The following GAS7 variants were observed in gnomAD, a reference collection of about 807,000 sequenced individuals.
The protein encoded by GAS7 is growth arrest specific 7.
In GAS7, 28 loss-of-function variants were observed where a neutral mutation model predicts 71.1. The observed-to-expected ratio is 0.39, with a 90% CI of 0.29 to 0.54. The LOEUF (loss-of-function observed/expected upper bound fraction) is 0.54, where lower values mean the gene tolerates loss of function less well. Among genes scored for constraint, GAS7 ranks in the 20% least tolerant of loss-of-function variants. The pLI, the probability that GAS7 is intolerant of heterozygous loss-of-function variation, is 0.62. For missense variants in GAS7, 436 were observed against 627.8 expected (o/e 0.69, Z 3.27); for synonymous variants, 258 against 245.8 (o/e 1.05, Z -0.46).
intron 1 of GAS7, among the ~76,000 whole-genome samples, chr17:10,146,479 C>T (rs1008437930): frequency 6.6e-6 from 1 of 152,138 alleles, no homozygotes; most frequent in Non-Finnish European, 1.5e-5. Context: ...GGACCACAGA[C>T]CAGCAGCACC....
intron 2 of GAS7, among the ~76,000 whole-genome samples, chr17:10,016,602 C>CAAAAAAAAAAA (rs1158379710): frequency 5.9e-5 from 5 of 84,736 alleles, no homozygotes; most frequent in South Asian, 4.5e-4. Context: ...CTGTCTCTAC[C>CAAAAAAAAAAA]AAAAAAAAAA....
rs371898752 is a variant in GAS7 at position 10,051,844 on chromosome 17, G to A, written c.184-31947C>T. Among the ~76,000 whole-genome samples, 24 of 152,172 alleles carry A rather than the reference G, an allele frequency of 1.6e-4. No homozygotes were observed. In the East Asian group the frequency reaches 4.4e-3, roughly 28 times the overall value. On this transcript the variant is annotated intron_variant, in intron 1 of 13. Transcript: ENST00000432992. ...AGGCTGGATAACAGGCAGGAAAAAC[G>A]GGTTAAGTTTCCCTTTTTCCCCAGC...
chr17:10,083,895 A>G (rs143876605), intron 1 of GAS7, among the ~76,000 whole-genome samples: 103 of 152,350 alleles, frequency 6.8e-4, no homozygotes, highest in African/African-American at 2.4e-3. Flanking sequence ...GTAGGGATCA[A>G]TCAGAGGAAA....
intron 2 of GAS7, among the ~76,000 whole-genome samples, chr17:10,018,731 C>T (rs576145199): frequency 2.6e-5 from 4 of 152,296 alleles, no homozygotes; most frequent in South Asian, 2.1e-4. Flanking sequence ...CACTAGGACC[C>T]CCTCCTGGTG....
Position 9,915,499 on chromosome 17 carries a change from G to A in GAS7, c.*1729C>T, listed in dbSNP as rs888499810. 4.4e-6 allele frequency: 1 copy of A among 228,908 alleles called. No individual in the cohort carries two copies. Among genetic ancestry groups the A allele is most frequent in the African/African-American group, 2.2e-5 (1 of 45,080 alleles). 14.2% of individuals were successfully genotyped at this position (228,908 alleles called of 1,614,324 possible). On this transcript the variant is annotated 3_prime_UTR_variant, in exon 14 of 14. Coordinates refer to ENST00000432992, the MANE Select transcript of GAS7 (RefSeq NM_201433.2). ...TCACGTAGGTGAAGGCCTTTGTGCTGACCTTTTTGGTTGCAATGTTTCAAG... is the reference window on the plus strand; with the variant it reads ...TCACGTAGGTGAAGGCCTTTGTGCTAACCTTTTTGGTTGCAATGTTTCAAG...
intron 2 of GAS7, among the ~76,000 whole-genome samples, chr17:9,991,124 C>T (rs1008551461): frequency 6.6e-6 from 1 of 152,158 alleles, no homozygotes; most frequent in Non-Finnish European, 1.5e-5. Flanking sequence ...AAACAAAAAA[C>T]TAAAACCACC....
chr17:10,133,122 A>ATATATATATATATATATT (rs1392845338), intron 1 of GAS7, among the ~76,000 whole-genome samples: 13 of 118,886 alleles, frequency 1.1e-4, no homozygotes, highest in African/African-American at 3.9e-4. Context: ...ATATTTTTAT[A>ATATATATATATATATATT]TTTTTTTTTT....
chr17:9,932,192 CG>C (rs1435696285), intron 9 of GAS7, among the ~76,000 whole-genome samples: 96 of 137,760 alleles, frequency 7.0e-4, no homozygotes, highest in African/African-American at 2.5e-3. Context: ...AGGTCCCCCC[CG>C]CTTTTTTTTT....
At chr17:10,052,769 G>T (rs2073079969) in intron 1 of GAS7, among the ~76,000 whole-genome samples, 1 of 152,152 alleles carries the variant, frequency 6.6e-6, no homozygotes, top group Non-Finnish European at 1.5e-5. Context: ...GCTCTGTCTA[G>T]TGGGCCAGGC....
chr17:9,942,382 A>G (rs2068634811), intron 7 of GAS7, among the ~76,000 whole-genome samples: 1 of 151,748 alleles, frequency 6.6e-6, no homozygotes, highest in Non-Finnish European at 1.5e-5. Flanking sequence ...AGCTGTGGGT[A>G]TGTGAGTGTG....
intron 2 of GAS7, among the ~76,000 whole-genome samples, chr17:10,010,308 G>A (rs985753028): frequency 3.9e-5 from 6 of 151,914 alleles, no homozygotes; most frequent in African/African-American, 9.7e-5. Flanking sequence ...CCGCCACCAC[G>A]CCGGGCTAAA....
intron 4 of GAS7, among the ~76,000 whole-genome samples, chr17:9,965,311 A>G (rs1361028960): frequency 2.6e-5 from 4 of 152,230 alleles, no homozygotes; most frequent in African/African-American, 9.6e-5. Flanking sequence ...TGTGGCATAT[A>G]TACATAATGG....
chr17:10,160,117 G>T (rs946731218), intron 1 of GAS7, among the ~76,000 whole-genome samples: 4 of 151,970 alleles, frequency 2.6e-5, no homozygotes, highest in African/African-American at 9.7e-5. Flanking sequence ...TATTGCCCAG[G>T]CTGGTCTTGA....
chr17:9,984,772 C>T (rs138039732), intron 2 of GAS7, among the ~76,000 whole-genome samples: 2 of 152,252 alleles, frequency 1.3e-5, no homozygotes, highest in East Asian at 3.9e-4. Context: ...AGGATAACAT[C>T]GGGCACATGG....
At chr17:9,987,871 A>G (rs2070701129) in intron 2 of GAS7, among the ~76,000 whole-genome samples, 1 of 152,258 alleles carries the variant, frequency 6.6e-6, no homozygotes, top group Non-Finnish European at 1.5e-5. Flanking sequence ...GAAAGCCACA[A>G]GGAGCCCCTG....
intron 1 of GAS7, among the ~76,000 whole-genome samples, chr17:10,039,057 G>A (rs1384200916): frequency 6.6e-6 from 1 of 152,092 alleles, no homozygotes; most frequent in Non-Finnish European, 1.5e-5. Context: ...ATGATGGGAA[G>A]TTTGTGTTTA....
chr17:9,987,429 C>A (rs1352618458), intron 2 of GAS7, among the ~76,000 whole-genome samples: 1 of 152,228 alleles, frequency 6.6e-6, no homozygotes, highest in African/African-American at 2.4e-5. Flanking sequence ...AGCATTAATG[C>A]TAAGAGCCAA....
intron 2 of GAS7, among the ~76,000 whole-genome samples, chr17:9,989,741 T>C (rs1263074234): frequency 6.6e-6 from 1 of 152,156 alleles, no homozygotes; most frequent in Non-Finnish European, 1.5e-5. Flanking sequence ...GAACACAGAA[T>C]GAAGATCTGA....
intron 3 of GAS7, among the ~76,000 whole-genome samples, chr17:9,971,911 G>A (rs3786093): frequency 6.6e-5 from 10 of 151,994 alleles, no homozygotes; most frequent in Non-Finnish European, 1.2e-4. Context: ...CCCGTTCCAC[G>A]GAGAACCCGT....
Sources: allele counts gnomAD v4.1 joint callset (sites outside exome capture counted in the v4.1 genomes callset), GRCh38; gene constraint gnomAD v4.1.1; transcripts MANE v1.5; gene names NCBI Gene and HGNC (gene_info 2026-07-23, HGNC 2026-07-21).